The following TSN variants were observed in gnomAD, a reference collection of about 807,000 sequenced individuals.
The protein encoded by TSN is component 3 of promoter of RISC.
TSN carries 5 observed loss-of-function variants against 29.4 expected under a neutral mutation model. That is an observed-to-expected ratio of 0.17 (90% CI 0.09 to 0.36). TSN has a LOEUF of 0.36. TSN is among the 10% of genes least tolerant of loss of function. The pLI, the probability that TSN is intolerant of heterozygous loss-of-function variation, is 1.00. For missense variants in TSN, 159 were observed against 272.8 expected, an observed-to-expected ratio of 0.58 and a Z score of 2.94; for synonymous variants, 106 against 102.2, an observed-to-expected ratio of 1.04 and a Z score of -0.23.
chr2:121,757,148 TGATA>T, intron 1 of TSN, 88 bp from the exon 2 acceptor site: 1 of 1,204,160 alleles, frequency 8.3e-7, no homozygotes. Flanking sequence ...AACTTGGTTA[TGATA>T]GATCACATAA....
intron 1 of TSN, among the ~76,000 whole-genome samples, 176 bp from the exon 2 acceptor site, chr2:121,757,064 A>G (rs748024762): frequency 3.9e-5 from 6 of 152,208 alleles, no homozygotes; most frequent in Non-Finnish European, 8.8e-5. Flanking sequence ...TTTAAAGGGT[A>G]TCTGAGGAAT....
chr2:121,758,253 A>T (rs749027376), intron 2 of TSN, among the ~76,000 whole-genome samples: 27 of 152,242 alleles, frequency 1.8e-4, no homozygotes, highest in Middle Eastern at 3.2e-3. Context: ...TTTCAGATAC[A>T]AGAATGATAT....
intron 3 of TSN, among the ~76,000 whole-genome samples, chr2:121,759,497 A>G (rs1282228235): frequency 6.6e-6 from 1 of 152,150 alleles, no homozygotes; most frequent in Non-Finnish European, 1.5e-5. Flanking sequence ...AACCCCAGCC[A>G]CTTCAGAGGC....
chr2:121,757,378 G>C, intron 2 of TSN, 45 bp downstream of exon 2: 2 of 1,612,600 alleles, frequency 1.2e-6, no homozygotes, highest in Non-Finnish European at 1.7e-6. Context: ...CTTATTTAGA[G>C]GGAGAGTTTC....
rs1214124844 is a variant in TSN, at chr2:121,755,680, C to A, written c.-100C>A. 5.4e-6 allele frequency: 8 copies of A among 1,487,106 alleles called. No homozygotes were observed. In the African/African-American group the frequency reaches 8.2e-5, roughly 15 times the overall value. 92.1% of individuals were successfully genotyped at this position (1,487,106 alleles called of 1,614,324 possible). A position where few individuals can be genotyped will look rare whatever the true frequency, so the allele number is the denominator to read the frequency against. ...GTGGCGTAAGACCGGGGGGACGCGG[C>A]GGTAGCGGCGGCCGTTGCGATTGAT... On this transcript the variant is annotated 5_prime_UTR_variant, in exon 1 of 6. Transcript: ENST00000389682.
chr2:121,764,459 A>G lies in TSN; in HGVS notation c.454-675A>G, dbSNP rs535827811. ...TTCTCTATATTAAAAACAAACAAAC[A>G]AACAAAAAACCCGTATGTTGACAGT... On this transcript the variant is annotated intron_variant, in intron 5 of 5. Transcript: ENST00000389682. Among the ~76,000 whole-genome samples the G allele has an allele frequency of 2.0e-5, 3 of 152,172 alleles. No homozygotes were observed. In the South Asian group the frequency reaches 6.2e-4, roughly 32 times the overall value.
rs375139845 is a variant in TSN at position 121,765,095 on chromosome 2, A to G, written c.454-39A>G. 6.5e-4 allele frequency: 1,042 copies of G among 1,591,958 alleles called. 5 individuals carry two copies. Among genetic ancestry groups the G allele is most frequent in the Middle Eastern group, 2.3e-3 (14 of 5,992 alleles). ...GAGGAAGATGCGCTGAGAAGGAGCCATGTTGTAACAAGCCCCTGTTTTCTC... is the reference window on the plus strand; with the variant it reads ...GAGGAAGATGCGCTGAGAAGGAGCCGTGTTGTAACAAGCCCCTGTTTTCTC... On this transcript the variant is annotated intron_variant, in intron 5 of 5. Transcript: ENST00000389682.
Position 121,767,633 on chromosome 2 carries a change from G to A in TSN, c.*2266G>A, listed in dbSNP as rs1285819584. On this transcript the variant is annotated 3_prime_UTR_variant, in exon 6 of 6. Coordinates refer to ENST00000389682, the MANE Select transcript of TSN (RefSeq NM_004622.3). The stretch of plus-strand genomic sequence containing the variant: ...TGTCTTATGGATTCATTTATAAGAA[G>A]AGAACCAGCCATATACACTTGGGGA... 1.3e-5 allele frequency: 2 copies of A among 152,082 alleles called. No individual in the cohort carries two copies. Among genetic ancestry groups the A allele is most frequent in the Non-Finnish European group, 2.9e-5 (2 of 68,018 alleles). 9.4% of individuals were successfully genotyped at this position (152,082 alleles called of 1,614,324 possible).
chr2:121,755,817 T>C lies in TSN; in HGVS notation c.38T>C (p.Phe13Ser). 1.2e-6 allele frequency: 2 copies of C among 1,614,096 alleles called. No individual in the cohort carries two copies. Among genetic ancestry groups the C allele is most frequent in the Middle Eastern group, 1.6e-4 (1 of 6,062 alleles). The change falls in exon 1 of 6, where the codon TTT (phenylalanine) becomes TCT (serine). Residue 13 changes from phenylalanine (F) to serine (S), a missense_variant. Coordinates refer to ENST00000389682, the MANE Select transcript of TSN (RefSeq NM_004622.3). ...VSEIFVELQGFLAAEQDIREE... is the reference protein window; with the variant it reads ...VSEIFVELQGSLAAEQDIREE... Reference sequence around the variant, plus strand: ...GAGATCTTCGTGGAGCTGCAGGGCTTTTTGGCTGCCGAGCAGGACATCCGA... The same window carrying C: ...GAGATCTTCGTGGAGCTGCAGGGCTCTTTGGCTGCCGAGCAGGACATCCGA...
In TSN at chr2:121,765,557, A is replaced by C. The variant is rs2074890887; in HGVS notation, c.*190A>C. On this transcript the variant is annotated 3_prime_UTR_variant, in exon 6 of 6. Transcript: ENST00000389682. ...TAAAAAATATAGCCTTTACATGGAC[A>C]GAATTTTTTTTGTTGTTTCAGTGAA... 2 of 599,956 alleles carry C rather than the reference A, an allele frequency of 3.3e-6. No individual in the cohort carries two copies. Among genetic ancestry groups the C allele is most frequent in the Admixed American group, 3.1e-5 (1 of 32,636 alleles). The allele number at this position is 599,956 out of a possible 1,614,324, so 37.2% of individuals were successfully genotyped here. A position where few individuals can be genotyped will look rare whatever the true frequency, so the allele number is the denominator to read the frequency against.
At chr2:121,759,436 C>T (rs1291892457) in intron 3 of TSN, among the ~76,000 whole-genome samples, 2 of 151,978 alleles carry the variant, frequency 1.3e-5, no homozygotes, top group African/African-American at 2.4e-5. Context: ...GGCGAAACCC[C>T]GTCTCTACTA....
rs1553420211 is a variant in TSN, at chr2:121,757,341, C to G, written c.160+8C>G. 1.2e-6 allele frequency: 2 copies of G among 1,613,756 alleles called. No individual in the cohort carries two copies. The highest frequency in any genetic ancestry group is 8.5e-7 in the Non-Finnish European group (1 of 1,179,856). The stretch of plus-strand genomic sequence containing the variant: ...GTGCTGGGTTTCAGGACAGTAAGTT[C>G]TTTGTTTTGTATCCAATTATCAGTC... On this transcript the variant is annotated splice_region_variant and intron_variant, in intron 2 of 5. Coordinates refer to ENST00000389682, the MANE Select transcript of TSN (RefSeq NM_004622.3).
chr2:121,757,402 T>C (rs756371875), intron 2 of TSN, 69 bp downstream of exon 2: 53 of 1,604,394 alleles, frequency 3.3e-5, no homozygotes, highest in Admixed American at 1.7e-4. Flanking sequence ...CCAGAAGACA[T>C]TTTATAATGA....
Position 121,758,779 on chromosome 2 carries a change from C to T in TSN, c.230C>T (p.Thr77Ile). 1 of 1,589,300 alleles carries T rather than the reference C, an allele frequency of 6.3e-7. No homozygotes were observed. Among genetic ancestry groups the T allele is most frequent in the Non-Finnish European group, 8.5e-7 (1 of 1,169,712 alleles). ...TVKTHLTSLK[T>I]KFPAEQYYRF... ...AAAACACATCTAACATCTTTGAAGACCAAATTTCCTGCTGAACAGTATTAC... is the reference window on the plus strand; with the variant it reads ...AAAACACATCTAACATCTTTGAAGATCAAATTTCCTGCTGAACAGTATTAC... The change falls in exon 3 of 6, where the codon ACC becomes ATC. Residue 77 changes from threonine (T) to isoleucine (I), a missense_variant. This residue lies in a region of TSN where 31 missense variants were observed against 26.1 expected (regional missense o/e 1.19). Coordinates refer to ENST00000389682, the MANE Select transcript of TSN (RefSeq NM_004622.3).
intron 4 of TSN, 32 bp downstream of exon 4, chr2:121,761,556 T>C (rs1468396672): frequency 6.6e-7 from 1 of 1,511,766 alleles, no homozygotes; most frequent in East Asian, 2.3e-5. Context: ...ATCTGCAGAA[T>C]CAGGCATGGT....
At chr2:121,761,589 G>C in intron 4 of TSN, 65 bp downstream of exon 4, 1 of 1,253,890 alleles carries the variant, frequency 8.0e-7, no homozygotes, top group Non-Finnish European at 1.2e-6. Flanking sequence ...GGTGGAAAGG[G>C]TGGTTGTACT....
rs2074918212 is a variant in TSN at position 121,767,536 on chromosome 2, T to C, written c.*2169T>C. 6.6e-6 allele frequency: 1 copy of C among 152,070 alleles called. No homozygotes were observed. Among genetic ancestry groups the C allele is most frequent in the East Asian group, 1.9e-4 (1 of 5,174 alleles). The allele number at this position is 152,070 out of a possible 1,614,324, so 9.4% of individuals were successfully genotyped here. A position where few individuals can be genotyped will look rare whatever the true frequency, so the allele number is the denominator to read the frequency against. Reference sequence around the variant, plus strand: ...AGAAACCTGGGCTCTGGTTTTAGTATACCGGAATTACTTTTTTCCAATTTT... The same window carrying C: ...AGAAACCTGGGCTCTGGTTTTAGTACACCGGAATTACTTTTTTCCAATTTT... On this transcript the variant is annotated 3_prime_UTR_variant, in exon 6 of 6. Coordinates refer to ENST00000389682, the MANE Select transcript of TSN (RefSeq NM_004622.3).
At chr2:121,763,847 G>T in intron 5 of TSN, among the ~76,000 whole-genome samples, 1 of 152,224 alleles carries the variant, frequency 6.6e-6, no homozygotes, top group Admixed American at 6.5e-5. Flanking sequence ...CCAGTCTGCA[G>T]AGGTGAAAAT....
At position 121,766,986 on chromosome 2, in the gene TSN, T is replaced by A. The variant is rs541234202; in HGVS notation, c.*1619T>A. On this transcript the variant is annotated 3_prime_UTR_variant, in exon 6 of 6. Transcript: ENST00000389682. The stretch of plus-strand genomic sequence containing the variant: ...CTTAAAAGTGCCCATGATGGTCACT[T>A]AAAATGTGCAGTAATAGCACTGCCA... 2.6e-5 allele frequency: 4 copies of A among 152,332 alleles called. No individual in the cohort carries two copies. The East Asian group carries it at 7.7e-4, about 29-fold the overall frequency. 9.4% of individuals were successfully genotyped at this position (152,332 alleles called of 1,614,324 possible).
Sources: gnomAD v4.1 joint callset for allele counts (sites outside exome capture counted in the v4.1 genomes callset) on GRCh38, gnomAD v4.1.1 for gene constraint, gnomAD v4.1.1 regional missense constraint, MANE v1.5 for transcripts, NCBI Gene and HGNC (gene_info 2026-07-23, HGNC 2026-07-21) for gene names.